The following JPH1 variants were observed in gnomAD, a reference collection of about 807,000 sequenced individuals.
JPH1 encodes junctophilin-1.
A neutral mutation model predicts 53.6 loss-of-function variants in JPH1; 12 were observed. The observed-to-expected ratio is 0.22, with a 90% confidence interval of 0.14 to 0.36. The LOEUF (loss-of-function observed/expected upper bound fraction) is 0.36, where lower values mean the gene tolerates loss of function less well. Ranked by LOEUF, JPH1 falls within the 10% of genes least tolerant of loss-of-function variation. The probability of loss-of-function intolerance (pLI) is 1.00; values close to 1 mark genes in which losing one functional copy is unlikely to be tolerated. For missense variants in JPH1, 808 were observed against 905.5 expected (o/e 0.89, Z 1.38); for synonymous variants, 375 against 363.8 (o/e 1.03, Z -0.35).
intron 2 of JPH1, among the ~76,000 whole-genome samples, chr8:74,314,530 AAAAAG>A (rs1043646891): frequency 4.6e-5 from 7 of 152,056 alleles, no homozygotes; most frequent in African/African-American, 1.7e-4. Flanking sequence ...TTCTTACAAA[AAAAAG>A]AAAAGAAAAC....
At chr8:74,265,316 G>GAA (rs1806503672) in intron 2 of JPH1, among the ~76,000 whole-genome samples, 3 of 152,012 alleles carry the variant, frequency 2.0e-5, no homozygotes, top group Non-Finnish European at 4.4e-5. Flanking sequence ...TTTAAGCTTG[G>GAA]AAAATAAGTA....
At chr8:74,293,375 CCAAA>C (rs1807397200) in intron 2 of JPH1, among the ~76,000 whole-genome samples, 1 of 152,150 alleles carries the variant, frequency 6.6e-6, no homozygotes, top group South Asian at 2.1e-4. Flanking sequence ...GGGCACCGTT[CCAAA>C]CACTTAACAC....
At chr8:74,276,947 G>C (rs907266497) in intron 2 of JPH1, among the ~76,000 whole-genome samples, 17 of 152,176 alleles carry the variant, frequency 1.1e-4, no homozygotes, top group African/African-American at 3.6e-4. Context: ...GTTTAAATAA[G>C]AGTATAATCG....
At chr8:74,246,973 G>A (rs753349014) in intron 3 of JPH1, among the ~76,000 whole-genome samples, 1 of 152,190 alleles carries the variant, frequency 6.6e-6, no homozygotes, top group Admixed American at 6.5e-5. Flanking sequence ...TTCAAAAGGC[G>A]ATGTCCTTCT....
Position 74,314,845 on chromosome 8 carries a change from C to T in JPH1, c.1139+16G>A. 6.2e-7 allele frequency: 1 copy of T among 1,613,600 alleles called. No individual in the cohort carries two copies. Among genetic ancestry groups the T allele is most frequent in the Non-Finnish European group, 8.5e-7 (1 of 1,179,926 alleles). Reference sequence around the variant, plus strand: ...CTGACCAACCCAGCAAAACCAACCACCCTGCATTTACTTACCTTGAATTTG... The same window carrying T: ...CTGACCAACCCAGCAAAACCAACCATCCTGCATTTACTTACCTTGAATTTG... On this transcript the variant is annotated intron_variant, in intron 2 of 5. Coordinates refer to ENST00000342232, the MANE Select transcript of JPH1 (RefSeq NM_020647.4).
At chr8:74,259,300 A>T (rs1031174439) in intron 3 of JPH1, 85 bp downstream of exon 3, 37 of 1,035,984 alleles carry the variant, frequency 3.6e-5, no homozygotes, top group Non-Finnish European at 5.4e-5. Flanking sequence ...CAGGAAGCAC[A>T]CATCTTTATG....
At chr8:74,284,442 T>G (rs938531850) in intron 2 of JPH1, among the ~76,000 whole-genome samples, 1 of 152,118 alleles carries the variant, frequency 6.6e-6, no homozygotes, top group African/African-American at 2.4e-5. Context: ...ACTTGGGCAT[T>G]GCCTTATTTA....
chr8:74,293,213 T>A (rs1807390897), intron 2 of JPH1, among the ~76,000 whole-genome samples: 1 of 152,188 alleles, frequency 6.6e-6, no homozygotes, highest in South Asian at 2.1e-4. Flanking sequence ...TATTATGACC[T>A]GTATTTCACA....
chr8:74,319,187 T>C (rs2131470592), intron 1 of JPH1, among the ~76,000 whole-genome samples: 1 of 152,318 alleles, frequency 6.6e-6, no homozygotes, highest in Admixed American at 6.5e-5. Flanking sequence ...CTAGGTATAA[T>C]GAATACTCTA....
At chr8:74,308,368 T>G (rs1349734342) in intron 2 of JPH1, among the ~76,000 whole-genome samples, 1 of 152,226 alleles carries the variant, frequency 6.6e-6, no homozygotes, top group Non-Finnish European at 1.5e-5. Flanking sequence ...AAGTTACCCG[T>G]AGCACACACT....
chr8:74,244,875 G>C lies in JPH1; in HGVS notation c.1559C>G (p.Thr520Arg), dbSNP rs139723190. The change falls in exon 4 of 6, where the codon ACG (threonine) becomes AGG (arginine). Residue 520 changes from threonine (T) to arginine (R), a missense_variant. Thr to Arg is a moderately conservative substitution (Grantham distance 71, BLOSUM62 -1). Transcript: ENST00000342232. ...GGGCACAACCGCTCCTGCCTCCTTC[G>C]TGGGAGCCTTTGACATCAAGGGCTT... The part of the protein sequence containing the change: ...VNKPLMSKAP[T>R]KEAGAVVPQS... The C allele has an allele frequency of 6.2e-7, 1 of 1,614,168 alleles. No individual in the cohort carries two copies. The highest frequency in any genetic ancestry group is 1.1e-5 in the South Asian group (1 of 91,082).
intron 2 of JPH1, among the ~76,000 whole-genome samples, chr8:74,267,575 C>A (rs969425242): frequency 2.0e-5 from 3 of 152,142 alleles, no homozygotes; most frequent in Non-Finnish European, 4.4e-5. Context: ...TGATAAGAAC[C>A]TTTCAGAGAG....
chr8:74,252,980 C>G (rs962002704), intron 3 of JPH1, among the ~76,000 whole-genome samples: 3 of 152,016 alleles, frequency 2.0e-5, no homozygotes, highest in Non-Finnish European at 2.9e-5. Flanking sequence ...TTAGACAGAT[C>G]AACGAGACAG....
intron 3 of JPH1, among the ~76,000 whole-genome samples, chr8:74,252,807 A>G (rs531141276): frequency 4.6e-5 from 7 of 152,264 alleles, no homozygotes; most frequent in African/African-American, 1.7e-4. Flanking sequence ...GCCATTACAT[A>G]ATGGTAAAGG....
intron 2 of JPH1, among the ~76,000 whole-genome samples, chr8:74,305,066 C>T (rs1199736742): frequency 6.6e-6 from 1 of 152,236 alleles, no homozygotes; most frequent in Non-Finnish European, 1.5e-5. Context: ...GACTGTTGTA[C>T]TAAAGCTGAA....
At chr8:74,249,158 C>T (rs935445497) in intron 3 of JPH1, among the ~76,000 whole-genome samples, 7 of 152,196 alleles carry the variant, frequency 4.6e-5, no homozygotes, top group Non-Finnish European at 8.8e-5. Context: ...AGCAGGGTAT[C>T]CAGCTAGTTC....
rs561131164 is a variant in JPH1, at chr8:74,259,466, G to T, written c.1177C>A (p.Gln393Lys). 3 of 1,612,806 alleles carry T rather than the reference G, an allele frequency of 1.9e-6. No individual in the cohort carries two copies. Among genetic ancestry groups the T allele is most frequent in the Admixed American group, 1.7e-5 (1 of 59,900 alleles). The change falls in exon 3 of 6, where the codon CAG (glutamine) becomes AAG (lysine). Residue 393 changes from glutamine (Q) to lysine (K), a missense_variant. By Grantham distance (53) the Gln-to-Lys change is moderately conservative. This residue lies in a region of JPH1 where 756 missense variants were observed against 811.9 expected (regional missense o/e 0.93). Coordinates refer to ENST00000342232, the MANE Select transcript of JPH1 (RefSeq NM_020647.4). ...HARAKADAAD[Q>K]AALAARQECD... The stretch of plus-strand genomic sequence containing the variant: ...TCCTGGCGAGCGGCCAGCGCGGCCT[G>T]GTCGGCGGCATCGGCCTTCGCTCTG...
At chr8:74,267,905 A>G (rs1806581358) in intron 2 of JPH1, among the ~76,000 whole-genome samples, 1 of 152,212 alleles carries the variant, frequency 6.6e-6, no homozygotes, top group South Asian at 2.1e-4. Flanking sequence ...GAAACAGGAA[A>G]GAATATAAGA....
At chr8:74,237,611 CAG>C (rs1236422239) in intron 4 of JPH1, among the ~76,000 whole-genome samples, 2 of 152,212 alleles carry the variant, frequency 1.3e-5, no homozygotes, top group Non-Finnish European at 2.9e-5. Flanking sequence ...CTCACCCTAA[CAG>C]GGCCTACGAA....
Sources: allele counts gnomAD v4.1 joint callset (sites outside exome capture counted in the v4.1 genomes callset), GRCh38; gene constraint gnomAD v4.1.1; regional missense constraint gnomAD v4.1.1; transcripts MANE v1.5; gene names NCBI Gene and HGNC (gene_info 2026-07-23, HGNC 2026-07-21).